Variants in GAREM1 observed in about 807,000 individuals in gnomAD.
The protein encoded by GAREM1 is GRB2 associated regulator of MAPK1 subtype 1.
In GAREM1, 26 loss-of-function variants were observed where a neutral mutation model predicts 71.3. The observed-to-expected ratio is 0.36, with a 90% CI of 0.27 to 0.51. The LOEUF (loss-of-function observed/expected upper bound fraction) is 0.51. Among genes scored for constraint, GAREM1 ranks in the 20% least tolerant of loss-of-function variants. The pLI is 0.95. For synonymous variants in GAREM1, 440 were observed against 433.2 expected, an observed-to-expected ratio of 1.02 and a Z score of -0.20; for missense variants, 1,026 against 1,103.1, an observed-to-expected ratio of 0.93 and a Z score of 0.99.
intron 2 of GAREM1, among the ~76,000 whole-genome samples, chr18:32,383,747 A>G (rs894220070): frequency 3.3e-5 from 5 of 152,206 alleles, no homozygotes; most frequent in African/African-American, 1.2e-4. Flanking sequence ...CCTAAATGTA[A>G]GTATAAAGAA....
chr18:32,396,586 CGAGAA>C (rs1434971810), intron 1 of GAREM1, among the ~76,000 whole-genome samples: 4 of 151,540 alleles, frequency 2.6e-5, no homozygotes, highest in Non-Finnish European at 4.4e-5. Context: ...TGAAATGAAG[CGAGAA>C]GAGAAGTTTA....
At chr18:32,463,568 CTTTT>C (rs138799660) in intron 1 of GAREM1, among the ~76,000 whole-genome samples, 3 of 131,714 alleles carry the variant, frequency 2.3e-5, no homozygotes, top group African/African-American at 2.8e-5. Flanking sequence ...TTTTAAATCA[CTTTT>C]TTTTTTTTTT....
chr18:32,370,182 C>T (rs1026012207), intron 2 of GAREM1, among the ~76,000 whole-genome samples: 1 of 151,984 alleles, frequency 6.6e-6, no homozygotes, highest in African/African-American at 2.4e-5. Flanking sequence ...CCTGTAATCC[C>T]AGCACTTTGG....
At chr18:32,308,620 G>A (rs1323744693) in intron 3 of GAREM1, among the ~76,000 whole-genome samples, 1 of 149,642 alleles carries the variant, frequency 6.7e-6, no homozygotes, top group Admixed American at 6.7e-5. Flanking sequence ...TTTAACTTCT[G>A]ACCAATGAGT....
chr18:32,448,880 T>G (rs1032519391), intron 1 of GAREM1, among the ~76,000 whole-genome samples: 3 of 152,210 alleles, frequency 2.0e-5, no homozygotes, highest in African/African-American at 7.2e-5. Flanking sequence ...AGTTGAATTC[T>G]GCAGGGCCCT....
intron 2 of GAREM1, among the ~76,000 whole-genome samples, chr18:32,343,311 G>GTTTTTTTGTTTTTGTTTT (rs2047664721): frequency 1.2e-4 from 14 of 118,884 alleles, no homozygotes; most frequent in African/African-American, 4.4e-4. Flanking sequence ...CTCCCCCACT[G>GTTTTTTTGTTTTTGTTTT]TTTTTTTTTT....
At chr18:32,348,392 T>G (rs1397703315) in intron 2 of GAREM1, among the ~76,000 whole-genome samples, 2 of 152,182 alleles carry the variant, frequency 1.3e-5, no homozygotes, top group Non-Finnish European at 2.9e-5. Context: ...TAGGCAATAT[T>G]CAACATCAGC....
intron 2 of GAREM1, among the ~76,000 whole-genome samples, chr18:32,382,875 C>T (rs141421524): frequency 6.6e-5 from 10 of 151,832 alleles, no homozygotes; most frequent in African/African-American, 1.2e-4. Flanking sequence ...GACTCCCACA[C>T]GAGGGGACCA....
chr18:32,274,312 C>T (rs2041508283), intron 4 of GAREM1, among the ~76,000 whole-genome samples: 2 of 152,254 alleles, frequency 1.3e-5, no homozygotes, highest in South Asian at 4.2e-4. Context: ...TTGATTCATG[C>T]AGGATATTTA....
chr18:32,305,992 A>C (rs1028925739), intron 3 of GAREM1, among the ~76,000 whole-genome samples: 6 of 152,172 alleles, frequency 3.9e-5, no homozygotes, highest in Admixed American at 3.9e-4. Flanking sequence ...GGCTGGAAGA[A>C]AGGGTAGTGC....
chr18:32,344,979 T>C (rs1303521832), intron 2 of GAREM1, among the ~76,000 whole-genome samples: 3 of 152,100 alleles, frequency 2.0e-5, no homozygotes, highest in South Asian at 4.1e-4. Context: ...GGAGAATTGC[T>C]TGAACCAGGG....
intron 2 of GAREM1, among the ~76,000 whole-genome samples, chr18:32,344,071 T>C (rs10502588): frequency 0.11 from 17,027 of 152,118 alleles, 1,903 homozygotes; most frequent in African/African-American, 0.29. Context: ...TCCCATCTCA[T>C]CTTGAAGGAA....
chr18:32,331,712 C>T lies in GAREM1; in HGVS notation c.263-21389G>A, dbSNP rs145730124. 1.6e-4 allele frequency: 24 copies of T among 152,200 alleles called. No homozygotes were observed. In the East Asian group the frequency reaches 4.6e-3, roughly 29 times the overall value. The allele number at this position is 152,200 out of a possible 1,614,324, so 9.4% of individuals were successfully genotyped here. A position where few individuals can be genotyped will look rare whatever the true frequency, so the allele number is the denominator to read the frequency against. On this transcript the variant is annotated intron_variant, in intron 2 of 5. Transcript: ENST00000269209. The stretch of plus-strand genomic sequence containing the variant: ...TGACAAGGTTCCCCTTTGAGAACTC[C>T]TGGCCTAAATAATAAGAGGAGGGAC...
At chr18:32,279,267 G>A (rs2041582365) in intron 4 of GAREM1, among the ~76,000 whole-genome samples, 1 of 152,210 alleles carries the variant, frequency 6.6e-6, no homozygotes. Context: ...ATACTGGTCT[G>A]TAGCCTGACA....
At chr18:32,308,738 A>G (rs570681773) in intron 3 of GAREM1, among the ~76,000 whole-genome samples, 1 of 150,556 alleles carries the variant, frequency 6.6e-6, no homozygotes, top group African/African-American at 2.5e-5. Flanking sequence ...TAAAAACGAT[A>G]AATATTTTTG....
At chr18:32,272,002 G>A (rs1407768967) in intron 4 of GAREM1, among the ~76,000 whole-genome samples, 1 of 152,146 alleles carries the variant, frequency 6.6e-6, no homozygotes, top group African/African-American at 2.4e-5. Flanking sequence ...TGCATACCTT[G>A]TCTACTTTTA....
At chr18:32,317,650 T>C (rs555989308) in intron 2 of GAREM1, among the ~76,000 whole-genome samples, 1 of 151,490 alleles carries the variant, frequency 6.6e-6, no homozygotes, top group Non-Finnish European at 1.5e-5. Flanking sequence ...TTTCTCACTG[T>C]GTTTTGCAAG....
intron 1 of GAREM1, chr18:32,412,546 C>A: frequency 6.3e-7 from 1 of 1,596,860 alleles, no homozygotes; most frequent in Non-Finnish European, 8.5e-7. Flanking sequence ...TCATTCCCAC[C>A]GAAACCACCT....
At chr18:32,370,122 T>C (rs75473890) in intron 2 of GAREM1, among the ~76,000 whole-genome samples, 10,739 of 152,252 alleles carry the variant, frequency 0.071, 488 homozygotes, top group Non-Finnish European at 0.1. Flanking sequence ...ACATCATTCA[T>C]ATCAACATGC....
Sources: gnomAD v4.1 joint callset for allele counts (sites outside exome capture counted in the v4.1 genomes callset) on GRCh38, gnomAD v4.1.1 for gene constraint, MANE v1.5 for transcripts, NCBI Gene and HGNC (gene_info 2026-07-23, HGNC 2026-07-21) for gene names.